The following JRK variants were observed in gnomAD, a reference collection of about 807,000 sequenced individuals.
The protein encoded by JRK is Jrk helix-turn-helix protein.
For synonymous variants in JRK, 303 were observed against 218.1 expected (o/e 1.39, Z -3.43); for missense variants, 720 against 509.2 (o/e 1.41, Z -3.98).
Position 142,664,193 on chromosome 8 carries a change from T to C in JRK, c.*159A>G, listed in dbSNP as rs1554635040. On this transcript the variant is annotated 3_prime_UTR_variant, in exon 2 of 2. Coordinates refer to ENST00000612905, the MANE Select transcript of JRK (RefSeq NM_003724.4). The stretch of plus-strand genomic sequence containing the variant: ...CAGGAACCTCGGGCACAGACCGTCC[T>C]GGGCACCCGAGCCACACCCGTGGGC... 4 of 1,399,566 alleles carry C rather than the reference T, an allele frequency of 2.9e-6. No individual in the cohort carries two copies. Among genetic ancestry groups the C allele is most frequent in the African/African-American group, 2.9e-5 (2 of 69,014 alleles). The allele number at this position is 1,399,566 out of a possible 1,614,324, so 86.7% of individuals were successfully genotyped here. A position where few individuals can be genotyped will look rare whatever the true frequency, so the allele number is the denominator to read the frequency against.
Position 142,658,846 on chromosome 8 carries a change from T to A in JRK, c.*5506A>T, listed in dbSNP as rs371139891. The A allele has an allele frequency of 1.9e-5, 31 of 1,611,814 alleles. No individual in the cohort carries two copies. The highest frequency in any genetic ancestry group is 3.3e-4 in the Middle Eastern group (2 of 6,050). The stretch of plus-strand genomic sequence containing the variant: ...CCCAGCACTGCCATGTGGCAGAAGT[T>A]CTCCAACATTATGTCTCTGTAGAGG... On this transcript the variant is annotated 3_prime_UTR_variant, in exon 2 of 2. Coordinates refer to ENST00000612905, the MANE Select transcript of JRK (RefSeq NM_003724.4).
chr8:142,650,536 C>G, the JRK span, among the ~76,000 whole-genome samples: 1 of 152,186 alleles, frequency 6.6e-6, no homozygotes, highest in Non-Finnish European at 1.5e-5. Flanking sequence ...GTCTTGTTTT[C>G]ATGATAGTGA....
At chr8:142,649,077 C>T in the JRK span, among the ~76,000 whole-genome samples, 4 of 152,244 alleles carry the variant, frequency 2.6e-5, no homozygotes, top group African/African-American at 9.6e-5. Flanking sequence ...TGTATTTACC[C>T]AATGCATGTA....
rs1402878022 is a variant in JRK, at chr8:142,662,920, A to C, written c.*1432T>G. On this transcript the variant is annotated 3_prime_UTR_variant, in exon 2 of 2. Coordinates refer to ENST00000612905, the MANE Select transcript of JRK (RefSeq NM_003724.4). ...CACACCTGTAATCCCAGCACTTTAG[A>C]AGGATGAGGAAGGAGGATCGCTTGA... The C allele has an allele frequency of 1.2e-5, 11 of 917,564 alleles. No homozygotes were observed. Among genetic ancestry groups the C allele is most frequent in the Non-Finnish European group, 1.4e-5 (11 of 768,256 alleles). 56.8% of individuals were successfully genotyped at this position (917,564 alleles called of 1,614,324 possible). A position where few individuals can be genotyped will look rare whatever the true frequency, so the allele number is the denominator to read the frequency against.
At chr8:142,669,375 G>C (rs1309804747) in intron 1 of JRK, among the ~76,000 whole-genome samples, 1 of 152,122 alleles carries the variant, frequency 6.6e-6, no homozygotes, top group East Asian at 1.9e-4. Flanking sequence ...GAGAGCCGGC[G>C]CCGAGTTCCG....
At chr8:142,669,187 T>TGTGTGTGTGTGTGTGC in intron 1 of JRK, among the ~76,000 whole-genome samples, 1 of 128,872 alleles carries the variant, frequency 7.8e-6, no homozygotes, top group East Asian at 2.1e-4. Flanking sequence ...TGTGTGTGTG[T>TGTGTGTGTGTGTGTGC]GTGTGTGTGT....
intron 1 of JRK, among the ~76,000 whole-genome samples, chr8:142,669,549 G>A (rs1554636917): frequency 6.6e-6 from 1 of 152,144 alleles, no homozygotes; most frequent in Non-Finnish European, 1.5e-5. Flanking sequence ...AAAAAGTCTC[G>A]GTCTGGTTTT....
At chr8:142,669,195 TGTGTGC>T (rs782543679) in intron 1 of JRK, among the ~76,000 whole-genome samples, 2,139 of 63,052 alleles carry the variant, frequency 0.034, 27 homozygotes, top group African/African-American at 0.067. Flanking sequence ...TGTGTGTGTG[TGTGTGC>T]GTGTGTGTGT....
downstream of JRK, among the ~76,000 whole-genome samples, chr8:142,655,961 A>G (rs781849031): frequency 2.6e-5 from 4 of 152,170 alleles, no homozygotes; most frequent in Non-Finnish European, 4.4e-5. Flanking sequence ...ATTTGAGGCA[A>G]TATTGGCTCA....
In JRK at chr8:142,666,473, G is replaced by A. The variant is rs587766579; in HGVS notation, c.-415C>T. 6.4e-5 allele frequency: 21 copies of A among 326,654 alleles called. No homozygotes were observed. Among genetic ancestry groups the A allele is most frequent in the Non-Finnish European group, 6.2e-6 (1 of 160,236 alleles). The allele number at this position is 326,654 out of a possible 1,614,324, so 20.2% of individuals were successfully genotyped here. The stretch of plus-strand genomic sequence containing the variant: ...AGGTTTTACCGCATAAGCAGCAGGT[G>A]CCTCTCCAGGGTCCACAATGGTATC... On this transcript the variant is annotated 5_prime_UTR_variant, in exon 2 of 2. Coordinates refer to ENST00000612905, the MANE Select transcript of JRK (RefSeq NM_003724.4).
At chr8:142,669,357 G>A (rs782755147) in intron 1 of JRK, among the ~76,000 whole-genome samples, 2 of 152,042 alleles carry the variant, frequency 1.3e-5, no homozygotes, top group Non-Finnish European at 2.9e-5. Context: ...GCCCCGCAGA[G>A]AGCGCCCGAG....
At position 142,664,759 on chromosome 8, in the gene JRK, G is replaced by A; in HGVS notation, c.1300C>T (p.Gln434Ter). Residue 434 changes from glutamine to a stop codon, truncating the protein, a stop_gained, in exon 2 of 2, where the codon CAG (glutamine) becomes TAG (stop). Coordinates refer to ENST00000612905, the MANE Select transcript of JRK (RefSeq NM_003724.4). LOFTEE classifies it low-confidence loss of function (END_TRUNC). ...ACCCCCCAGCTGGCGGCCTGGCGCTGGCGAAGCTGGCCCGGGCAGGAGGAG... is the reference window on the plus strand; with the variant it reads ...ACCCCCCAGCTGGCGGCCTGGCGCTAGCGAAGCTGGCCCGGGCAGGAGGAG... ...EGSSCPGQLR[Q>*]RQAASWGVAG... is the part of the protein sequence containing the mutation. 1 of 1,590,836 alleles carries A rather than the reference G, an allele frequency of 6.3e-7. No individual in the cohort carries two copies. The highest frequency in any genetic ancestry group is 1.3e-5 in the African/African-American group (1 of 74,552).
Position 142,662,773 on chromosome 8 carries a change from G to C in JRK, c.*1579C>G. ...TTCAGTGGAATCAACAGCAGACGCT[G>C]GAATGCAAACTACGTGCTGACTCGG... is the stretch of plus-strand genomic sequence containing the variant. On this transcript the variant is annotated 3_prime_UTR_variant, in exon 2 of 2. Coordinates refer to ENST00000612905, the MANE Select transcript of JRK (RefSeq NM_003724.4). 1.0e-6 allele frequency: 1 copy of C among 985,424 alleles called. No individual in the cohort carries two copies. Among genetic ancestry groups the C allele is most frequent in the Non-Finnish European group, 1.2e-6 (1 of 829,912 alleles). 61.0% of individuals were successfully genotyped at this position (985,424 alleles called of 1,614,324 possible).
At chr8:142,655,877 T>G (rs1846741905), downstream of JRK, among the ~76,000 whole-genome samples, 1 of 152,246 alleles carries the variant, frequency 6.6e-6, no homozygotes, top group African/African-American at 2.4e-5. Context: ...CTTTAGTGGT[T>G]GTTCTAGGGA....
At chr8:142,668,326 C>A (rs1273428258) in intron 1 of JRK, among the ~76,000 whole-genome samples, 3 of 152,200 alleles carry the variant, frequency 2.0e-5, no homozygotes, top group African/African-American at 7.2e-5. Context: ...TTGGCTGCCA[C>A]CTCTGGGTGA....
At chr8:142,656,900 C>T (rs1846764807), downstream of JRK, among the ~76,000 whole-genome samples, 1 of 152,170 alleles carries the variant, frequency 6.6e-6, no homozygotes, top group Admixed American at 6.5e-5. Flanking sequence ...TTGTTGCCTG[C>T]CTCCATCCCT....
At chr8:142,655,601 C>T (rs148736959), downstream of JRK, among the ~76,000 whole-genome samples, 282 of 98,456 alleles carry the variant, frequency 2.9e-3, 2 homozygotes, top group African/African-American at 7.9e-3. Flanking sequence ...AAAACGGCTC[C>T]GGACTCCAAA....
At chr8:142,669,156 G>A (rs1419085403) in intron 1 of JRK, among the ~76,000 whole-genome samples, 1 of 147,642 alleles carries the variant, frequency 6.8e-6, no homozygotes, top group Admixed American at 6.8e-5. Flanking sequence ...AACCTTCGCA[G>A]GGGCATAGTG....
the JRK span, among the ~76,000 whole-genome samples, chr8:142,645,943 C>T: frequency 2.6e-3 from 388 of 152,052 alleles, 1 homozygote; most frequent in African/African-American, 8.8e-3. Context: ...TTATATATGA[C>T]CTTTAAATAA....
Sources: allele counts gnomAD v4.1 joint callset (sites outside exome capture counted in the v4.1 genomes callset), GRCh38; gene constraint gnomAD v4.1.1; transcripts MANE v1.5; gene names NCBI Gene and HGNC (gene_info 2026-07-23, HGNC 2026-07-21).